The following LYRM7 variants were observed in gnomAD, a reference collection of about 807,000 sequenced individuals.
LYRM7 encodes the protein LYR motif containing 7.
In LYRM7, 9 loss-of-function variants were observed where a neutral mutation model predicts 15.8. The observed-to-expected ratio is 0.57, with a 90% confidence interval of 0.34 to 0.99. The LOEUF (loss-of-function observed/expected upper bound fraction) is 0.99. LYRM7 is among the 50% of genes least tolerant of loss of function. LYRM7 has a pLI of 0.02. For synonymous variants in LYRM7, 39 were observed against 39.4 expected (o/e 0.99, Z 0.04); for missense variants, 115 against 119.1 (o/e 0.97, Z 0.16).
At chr5:131,181,387 T>A (rs184539879) in intron 2 of LYRM7, among the ~76,000 whole-genome samples, 15 of 94,762 alleles carry the variant, frequency 1.6e-4, no homozygotes, top group African/African-American at 8.9e-4. Context: ...ATATAATATA[T>A]ACATATATAT....
intron 1 of LYRM7, 104 bp from the exon 2 acceptor site, chr5:131,179,991 C>T (rs1193812297): frequency 9.1e-6 from 7 of 767,724 alleles, no homozygotes; most frequent in East Asian, 2.7e-5. Flanking sequence ...CCCAGGGTCT[C>T]GAACTCCTGG....
chr5:131,193,782 C>T (rs80136205), intron 4 of LYRM7, among the ~76,000 whole-genome samples: 1 of 151,900 alleles, frequency 6.6e-6, no homozygotes, highest in Non-Finnish European at 1.5e-5. Flanking sequence ...GGCTGAGGCA[C>T]GTGGATCAAC....
In LYRM7 at chr5:131,202,871, A is replaced by G. The variant is rs1352807081; in HGVS notation, c.*3270A>G. On this transcript the variant is annotated 3_prime_UTR_variant, in exon 5 of 5. Coordinates refer to ENST00000379380, the MANE Select transcript of LYRM7 (RefSeq NM_181705.4). Reference sequence around the variant, plus strand: ...TCTTTTAGCGGAAGTTAGAAATGGTATATAGCAGGAGAGTCAGATTTGAGA... The same window carrying G: ...TCTTTTAGCGGAAGTTAGAAATGGTGTATAGCAGGAGAGTCAGATTTGAGA... 6.6e-6 allele frequency: 1 copy of G among 152,378 alleles called. No homozygotes were observed. The allele number at this position is 152,378 out of a possible 1,614,324, so 9.4% of individuals were successfully genotyped here. A position where few individuals can be genotyped will look rare whatever the true frequency, so the allele number is the denominator to read the frequency against.
At position 131,199,840 on chromosome 5, in the gene LYRM7, T is replaced by C; in HGVS notation, c.*239T>C. ...ATTTCATTTTCATTGAAAATCAAAT[T>C]TCATAAAGCAAAGTAAATGCTTAGG... On this transcript the variant is annotated 3_prime_UTR_variant, in exon 5 of 5. Transcript: ENST00000379380. The C allele has an allele frequency of 3.3e-6, 1 of 300,146 alleles. No homozygotes were observed. Among genetic ancestry groups the C allele is most frequent in the Non-Finnish European group, 6.1e-6 (1 of 163,764 alleles). The allele number at this position is 300,146 out of a possible 1,614,324, so 18.6% of individuals were successfully genotyped here. A position where few individuals can be genotyped will look rare whatever the true frequency, so the allele number is the denominator to read the frequency against.
intron 3 of LYRM7, among the ~76,000 whole-genome samples, chr5:131,184,530 C>G (rs1030453009): frequency 6.6e-6 from 1 of 151,832 alleles, no homozygotes; most frequent in African/African-American, 2.4e-5. Flanking sequence ...TACGCCTTGA[C>G]ATGAGGTAAT....
In LYRM7 at chr5:131,199,656, T is replaced by G; in HGVS notation, c.*55T>G. 7.8e-7 allele frequency: 1 copy of G among 1,279,658 alleles called. No homozygotes were observed. Among genetic ancestry groups the G allele is most frequent in the Non-Finnish European group, 1.1e-6 (1 of 910,156 alleles). The allele number at this position is 1,279,658 out of a possible 1,614,324, so 79.3% of individuals were successfully genotyped here. A position where few individuals can be genotyped will look rare whatever the true frequency, so the allele number is the denominator to read the frequency against. On this transcript the variant is annotated 3_prime_UTR_variant, in exon 5 of 5. Coordinates refer to ENST00000379380, the MANE Select transcript of LYRM7 (RefSeq NM_181705.4). ...TTTTTAACTTTAAAATCTACAACTC[T>G]GGCAAAAGTCCTGGAAATGCAGACA...
intron 3 of LYRM7, among the ~76,000 whole-genome samples, chr5:131,186,261 A>G (rs1444737641): frequency 6.6e-6 from 1 of 152,228 alleles, no homozygotes; most frequent in Non-Finnish European, 1.5e-5. Flanking sequence ...TGAACATCTA[A>G]TTCTATAAAA....
chr5:131,187,079 C>A lies in LYRM7; in HGVS notation c.214C>A (p.Gln72Lys). 1.3e-6 allele frequency: 2 copies of A among 1,562,122 alleles called. No individual in the cohort carries two copies. Among genetic ancestry groups the A allele is most frequent in the Admixed American group, 1.8e-5 (1 of 54,760 alleles). Residue 72 changes from glutamine to lysine, a missense_variant, in exon 4 of 5, where the codon CAA (glutamine) becomes AAA (lysine). Coordinates refer to ENST00000379380, the MANE Select transcript of LYRM7 (RefSeq NM_181705.4). Reference protein sequence around the residue: ...VELLLRTSVIQGIHTDHNTLK... With the variant: ...VELLLRTSVIKGIHTDHNTLK... ...ATTATTACTCAGAACATCTGTTATACAAGGTATTCACACAGACCACAATAC... is the reference window on the plus strand; with the variant it reads ...ATTATTACTCAGAACATCTGTTATAAAAGGTATTCACACAGACCACAATAC...
rs148195531 is a variant in LYRM7 at position 131,205,189 on chromosome 5, T to A, written c.*5588T>A. 1 of 152,278 alleles carries A rather than the reference T, an allele frequency of 6.6e-6. No homozygotes were observed. Among genetic ancestry groups the A allele is most frequent in the South Asian group, 2.1e-4 (1 of 4,832 alleles). The allele number at this position is 152,278 out of a possible 1,614,324, so 9.4% of individuals were successfully genotyped here. A position where few individuals can be genotyped will look rare whatever the true frequency, so the allele number is the denominator to read the frequency against. On this transcript the variant is annotated 3_prime_UTR_variant, in exon 5 of 5. Transcript: ENST00000379380. ...CTCTCTCTCCAGGATAATTACTGTT[T>A]TATAGTTTGTGGATATCATTCCCTT...
intron 4 of LYRM7, among the ~76,000 whole-genome samples, chr5:131,190,734 A>G (rs1325288937): frequency 1.3e-5 from 2 of 151,230 alleles, no homozygotes; most frequent in Non-Finnish European, 3.0e-5. Context: ...CAGGTGATCC[A>G]CCTGCCTCAG....
intron 2 of LYRM7, among the ~76,000 whole-genome samples, chr5:131,181,395 TATTATATATAC>T (rs1242703521): frequency 1.0e-5 from 1 of 98,062 alleles, no homozygotes; most frequent in Non-Finnish European, 1.8e-5. Flanking sequence ...TATACATATA[TATTATATATAC>T]ATATATATGT....
At chr5:131,194,720 A>C (rs554823790) in intron 4 of LYRM7, among the ~76,000 whole-genome samples, 1 of 152,168 alleles carries the variant, frequency 6.6e-6, no homozygotes, top group Non-Finnish European at 1.5e-5. Context: ...CCATGAGGGT[A>C]AAAATGGCAG....
intron 4 of LYRM7, among the ~76,000 whole-genome samples, chr5:131,193,472 T>A (rs1191392360): frequency 6.6e-6 from 1 of 152,248 alleles, no homozygotes; most frequent in Non-Finnish European, 1.5e-5. Flanking sequence ...AACACTTTTG[T>A]GTTACAGTTT....
chr5:131,176,594 A>C (rs960998501), intron 1 of LYRM7, among the ~76,000 whole-genome samples: 2 of 151,284 alleles, frequency 1.3e-5, no homozygotes, highest in Non-Finnish European at 2.9e-5. Context: ...TTTTAGATTC[A>C]GAGAGTACAT....
In LYRM7 at chr5:131,202,195, TTAGA is replaced by T. The variant is rs1036523040; in HGVS notation, c.*2597_*2600del. 4 of 152,082 alleles carry T rather than the reference TTAGA, an allele frequency of 2.6e-5. No individual in the cohort carries two copies. The highest frequency in any genetic ancestry group is 9.7e-5 in the African/African-American group (4 of 41,408). 9.4% of individuals were successfully genotyped at this position (152,082 alleles called of 1,614,324 possible). A position where few individuals can be genotyped will look rare whatever the true frequency, so the allele number is the denominator to read the frequency against. ...TTTAACTGGTTATTTAATAGTTTAA[TTAGA>T]TAAAGTAATTCATGGCTGGGTGTGG... On this transcript the variant is annotated 3_prime_UTR_variant, in exon 5 of 5. Transcript: ENST00000379380.
At chr5:131,173,707 C>A in intron 1 of LYRM7, among the ~76,000 whole-genome samples, 1 of 152,192 alleles carries the variant, frequency 6.6e-6, no homozygotes, top group East Asian at 1.9e-4. Context: ...CGAGATCGCA[C>A]CATTGCACTC....
intron 4 of LYRM7, 61 bp downstream of exon 4, chr5:131,187,170 T>A: frequency 1.1e-6 from 1 of 922,370 alleles, no homozygotes; most frequent in Non-Finnish European, 1.7e-6. Flanking sequence ...ATTGAATAAT[T>A]ATAGCACATG....
chr5:131,173,246 C>T (rs987477542), intron 1 of LYRM7, among the ~76,000 whole-genome samples: 4 of 152,214 alleles, frequency 2.6e-5, no homozygotes, highest in African/African-American at 4.8e-5. Flanking sequence ...CCAGCCTCTA[C>T]ACATTACTCA....
At chr5:131,180,065 C>A (rs754290054) in intron 1 of LYRM7, 30 bp from the exon 2 acceptor site, 3 of 1,518,716 alleles carry the variant, frequency 2.0e-6, no homozygotes, top group Admixed American at 3.4e-5. Flanking sequence ...AGCCACTGTG[C>A]CCAACCTTGA....
Sources: allele counts gnomAD v4.1 joint callset (sites outside exome capture counted in the v4.1 genomes callset), GRCh38; gene constraint gnomAD v4.1.1; transcripts MANE v1.5; gene names NCBI Gene and HGNC (gene_info 2026-07-23, HGNC 2026-07-21).